The following GALNT17 variants were observed in gnomAD, a reference collection of about 807,000 sequenced individuals.
GALNT17 encodes the protein polypeptide N-acetylgalactosaminyltransferase 17.
A neutral mutation model predicts 63.7 loss-of-function variants in GALNT17; 29 were observed. The ratio of observed to expected loss-of-function variants is 0.46; its 90% CI spans 0.34 to 0.62. GALNT17 has a LOEUF of 0.62. Among genes scored for constraint, GALNT17 ranks in the 20% least tolerant of loss-of-function variants. GALNT17 has a pLI of 0.01. For synonymous variants in GALNT17, 305 were observed against 318.3 expected, an observed-to-expected ratio of 0.96 and a Z score of 0.45; for missense variants, 603 against 799.6, an observed-to-expected ratio of 0.75 and a Z score of 2.97.
chr7:71,525,683 CTT>C (rs1177478299), intron 5 of GALNT17, among the ~76,000 whole-genome samples: 3 of 130,012 alleles, frequency 2.3e-5, no homozygotes, highest in Admixed American at 1.6e-4. Context: ...CATTAAATGC[CTT>C]TTTTTTTTTT....
chr7:71,686,174 T>C (rs1369777612), intron 9 of GALNT17, among the ~76,000 whole-genome samples: 1 of 152,006 alleles, frequency 6.6e-6, no homozygotes, highest in Non-Finnish European at 1.5e-5. Flanking sequence ...AGGCTGGTCT[T>C]CAACTTCTGA....
At chr7:71,235,598 C>G (rs961993521) in intron 1 of GALNT17, among the ~76,000 whole-genome samples, 6 of 152,196 alleles carry the variant, frequency 3.9e-5, no homozygotes, top group African/African-American at 1.4e-4. Context: ...AAAACGTCAT[C>G]AGATATTTTT....
chr7:71,704,953 C>T (rs151257604), intron 9 of GALNT17, among the ~76,000 whole-genome samples: 1 of 152,122 alleles, frequency 6.6e-6, no homozygotes, highest in East Asian at 1.9e-4. Context: ...TTGGATTTTG[C>T]AATGGTTTCT....
At chr7:71,267,235 A>G (rs1399029642) in intron 1 of GALNT17, among the ~76,000 whole-genome samples, 1 of 152,138 alleles carries the variant, frequency 6.6e-6, no homozygotes, top group Non-Finnish European at 1.5e-5. Flanking sequence ...TTGGTATATA[A>G]AGATGTAGGT....
rs1449598318 is a variant in GALNT17, at chr7:71,641,265, G to A, written c.1081-24146G>A. 6.6e-5 allele frequency among the ~76,000 whole-genome samples: 10 copies of A among 152,290 alleles called. 1 individual carries two copies. The highest frequency in any genetic ancestry group is 6.8e-3 in the Middle Eastern group (2 of 294). On this transcript the variant is annotated intron_variant, in intron 6 of 10. Coordinates refer to ENST00000333538, the MANE Select transcript of GALNT17 (RefSeq NM_022479.3). ...GAGAACAGAGGTTAAGCAGACCCAC[G>A]TTTTGAATGAATTTGGTCACATAAC...
rs1306235079 is a variant in GALNT17 at position 71,712,586 on chromosome 7, C to G, written c.*440C>G. The G allele has an allele frequency of 6.3e-6, 1 of 159,790 alleles. No individual in the cohort carries two copies. Among genetic ancestry groups the G allele is most frequent in the Non-Finnish European group, 1.4e-5 (1 of 73,456 alleles). 9.9% of individuals were successfully genotyped at this position (159,790 alleles called of 1,614,324 possible). On this transcript the variant is annotated 3_prime_UTR_variant, in exon 11 of 11. Transcript: ENST00000333538. The stretch of plus-strand genomic sequence containing the variant: ...AGCGGGGGCTTCAGCCATGTCCTAG[C>G]TCCCCGCCCTAAAAGGAGGCAGTGA...
rs886418915 is a variant in GALNT17 at position 71,696,979 on chromosome 7, G to A, written c.1501-13782G>A. 3.0e-4 allele frequency among the ~76,000 whole-genome samples: 46 copies of A among 152,278 alleles called. 1 individual carries two copies. The highest frequency in any genetic ancestry group is 1.1e-3 in the African/African-American group (45 of 41,568). On this transcript the variant is annotated intron_variant, in intron 9 of 10. Transcript: ENST00000333538. ...TATGTAAGTTGGAAGAATCATATCT[G>A]GGTGGGGGCTATATGGAGCCAGTGG...
intron 1 of GALNT17, among the ~76,000 whole-genome samples, chr7:71,276,260 AGT>A (rs1790679652): frequency 6.6e-6 from 1 of 152,164 alleles, no homozygotes; most frequent in African/African-American, 2.4e-5. Flanking sequence ...CATAAGAGTG[AGT>A]GTTCTGAGCT....
At chr7:71,446,837 C>G (rs1787170409) in intron 5 of GALNT17, among the ~76,000 whole-genome samples, 1 of 152,238 alleles carries the variant, frequency 6.6e-6, no homozygotes, top group South Asian at 2.1e-4. Context: ...GCATGAACCA[C>G]TGCGGCCGAC....
At chr7:71,398,046 T>C (rs2116376749) in intron 3 of GALNT17, among the ~76,000 whole-genome samples, 1 of 152,270 alleles carries the variant, frequency 6.6e-6, no homozygotes, top group African/African-American at 2.4e-5. Flanking sequence ...TCTGGAAGCC[T>C]GTAGAGTCTT....
At chr7:71,428,899 C>T (rs907374003) in intron 5 of GALNT17, among the ~76,000 whole-genome samples, 2 of 152,166 alleles carry the variant, frequency 1.3e-5, no homozygotes, top group East Asian at 1.9e-4. Context: ...AAGTGTGAGT[C>T]GCACACCAGT....
At chr7:71,542,390 C>A (rs971616074) in intron 5 of GALNT17, among the ~76,000 whole-genome samples, 1 of 151,830 alleles carries the variant, frequency 6.6e-6, no homozygotes, top group Non-Finnish European at 1.5e-5. Context: ...TTCTGCAACT[C>A]TAGGAGAAGT....
intron 5 of GALNT17, among the ~76,000 whole-genome samples, chr7:71,543,834 C>T (rs980056746): frequency 6.8e-6 from 1 of 147,792 alleles, no homozygotes; most frequent in Non-Finnish European, 1.5e-5. Flanking sequence ...GTTCTGTTGC[C>T]CAGGCTAGAG....
intron 1 of GALNT17, among the ~76,000 whole-genome samples, chr7:71,237,242 G>A (rs1161454920): frequency 6.6e-6 from 1 of 152,128 alleles, no homozygotes; most frequent in Non-Finnish European, 1.5e-5. Flanking sequence ...GTTCGGGGGA[G>A]TAGCTGACAT....
chr7:71,265,189 C>T (rs552918702), intron 1 of GALNT17, among the ~76,000 whole-genome samples: 31 of 135,584 alleles, frequency 2.3e-4, no homozygotes, highest in African/African-American at 7.3e-4. Flanking sequence ...TGCAGTGGCG[C>T]GATCTTGGCT....
chr7:71,331,155 T>A (rs1449136948), intron 1 of GALNT17, among the ~76,000 whole-genome samples: 1 of 152,212 alleles, frequency 6.6e-6, no homozygotes, highest in Non-Finnish European at 1.5e-5. Flanking sequence ...TGGGCAGTGT[T>A]ATCACTCACC....
intron 5 of GALNT17, among the ~76,000 whole-genome samples, chr7:71,430,481 T>C (rs1176401885): frequency 6.6e-6 from 1 of 152,186 alleles, no homozygotes; most frequent in African/African-American, 2.4e-5. Flanking sequence ...TTACAGCATA[T>C]GTTGCTTTCA....
At chr7:71,395,608 T>A (rs1793124434) in intron 3 of GALNT17, among the ~76,000 whole-genome samples, 1 of 152,174 alleles carries the variant, frequency 6.6e-6, no homozygotes, top group Non-Finnish European at 1.5e-5. Context: ...TATCTAGGAG[T>A]AGAATTGCTG....
chr7:71,629,385 G>A (rs2116986088), intron 6 of GALNT17, among the ~76,000 whole-genome samples: 1 of 152,296 alleles, frequency 6.6e-6, no homozygotes, highest in South Asian at 2.1e-4. Context: ...TATGCACCCT[G>A]TCCTGAAGAC....
Sources: gnomAD v4.1 joint callset for allele counts (sites outside exome capture counted in the v4.1 genomes callset) on GRCh38, gnomAD v4.1.1 for gene constraint, MANE v1.5 for transcripts, NCBI Gene and HGNC (gene_info 2026-07-23, HGNC 2026-07-21) for gene names.